Variants in PREX1 observed in about 807,000 individuals in gnomAD.
PREX1 encodes the protein phosphatidylinositol-3,4,5-trisphosphate dependent Rac exchange factor 1.
A neutral mutation model predicts 198.3 loss-of-function variants in PREX1; 41 were observed. That is an observed-to-expected ratio of 0.21 (90% CI 0.16 to 0.27). The LOEUF (loss-of-function observed/expected upper bound fraction) is 0.27. PREX1 is among the 10% of genes least tolerant of loss of function. The probability of loss-of-function intolerance (pLI) is 1.00; values close to 1 mark genes in which losing one functional copy is unlikely to be tolerated. For missense variants in PREX1, 1,620 were observed against 2,200.7 expected (o/e 0.74, Z 5.28); for synonymous variants, 843 against 887.2 (o/e 0.95, Z 0.89).
In PREX1 at chr20:48,629,619, C is replaced by T. The variant is rs781272664; in HGVS notation, c.4596G>A (p.Leu1532=). Residue 1532 remains leucine (L), a splice_region_variant and synonymous_variant, in exon 37 of 40, where the codon CTG becomes CTA. Coordinates refer to ENST00000371941, the MANE Select transcript of PREX1 (RefSeq NM_020820.4). The part of the protein sequence containing the change: ...ASTTAVKIDQ[L]IRPINALDEL... ...CATCCAGGGCATTGATGGGGCGGAT[C>T]AGCTGTAGGGGGTACCACACATAAC... 4.7e-5 allele frequency: 76 copies of T among 1,613,852 alleles called. 1 individual carries two copies. Among genetic ancestry groups the T allele is most frequent in the Non-Finnish European group, 6.3e-5 (74 of 1,179,924 alleles).
the PREX1 span, among the ~76,000 whole-genome samples, chr20:48,855,973 A>T: frequency 6.6e-6 from 1 of 152,370 alleles, no homozygotes; most frequent in Non-Finnish European, 1.5e-5. Context: ...AAGAAAAATA[A>T]AACAGAGTAA....
chr20:48,803,407 G>A (rs936714776), intron 1 of PREX1, among the ~76,000 whole-genome samples: 7 of 152,118 alleles, frequency 4.6e-5, no homozygotes, highest in Admixed American at 1.3e-4. Context: ...CAGACTCCCC[G>A]AAAGCCATGC....
intron 2 of PREX1, among the ~76,000 whole-genome samples, chr20:48,746,879 T>C (rs1395723672): frequency 2.0e-5 from 3 of 151,704 alleles, no homozygotes; most frequent in Non-Finnish European, 2.9e-5. Context: ...TGCTCAGCCA[T>C]ATTTGCTGAA....
chr20:48,797,916 C>T (rs1408532992), intron 1 of PREX1, among the ~76,000 whole-genome samples: 2 of 152,348 alleles, frequency 1.3e-5, no homozygotes, highest in East Asian at 3.9e-4. Context: ...GGATCTGTGA[C>T]TTTCCCTAAG....
chr20:48,656,943 G>C (rs2089548712), intron 18 of PREX1, 97 bp downstream of exon 18: 1 of 1,404,560 alleles, frequency 7.1e-7, no homozygotes, highest in South Asian at 1.4e-5. Flanking sequence ...ATGGGTCCCA[G>C]CCACGGGGGA....
intron 3 of PREX1, among the ~76,000 whole-genome samples, chr20:48,737,198 T>G (rs1349214629): frequency 6.2e-5 from 6 of 97,204 alleles, no homozygotes; most frequent in Admixed American, 1.5e-4. Context: ...GGGCAGTAGG[T>G]GGGAAGGTTT....
the PREX1 span, among the ~76,000 whole-genome samples, chr20:48,876,869 G>A: frequency 6.6e-6 from 1 of 152,132 alleles, no homozygotes; most frequent in Admixed American, 6.5e-5. Flanking sequence ...TGGGGTATCT[G>A]AATCTGGACC....
intron 37 of PREX1, among the ~76,000 whole-genome samples, chr20:48,628,783 C>T (rs2089291991): frequency 6.6e-6 from 1 of 152,172 alleles, no homozygotes; most frequent in Admixed American, 6.5e-5. Flanking sequence ...GAGCACTGGC[C>T]CCGTGAAACA....
At position 48,775,224 on chromosome 20, in the gene PREX1, G is replaced by C. The variant is rs1048265176; in HGVS notation, c.220-27344C>G. 2.0e-5 allele frequency among the ~76,000 whole-genome samples: 3 copies of C among 152,106 alleles called. No individual in the cohort carries two copies. In the South Asian group the frequency reaches 6.2e-4, roughly 32 times the overall value. On this transcript the variant is annotated intron_variant, in intron 1 of 39. Transcript: ENST00000371941. ...AAAGAGATGAAGCTCCTGCCCTCACGGAGCTGATATTCTACAGGGGTGGAG... is the reference window on the plus strand; with the variant it reads ...AAAGAGATGAAGCTCCTGCCCTCACCGAGCTGATATTCTACAGGGGTGGAG...
At chr20:48,855,356 G>A in the PREX1 span, among the ~76,000 whole-genome samples, 1 of 152,034 alleles carries the variant, frequency 6.6e-6, no homozygotes, top group African/African-American at 2.4e-5. Flanking sequence ...GATTTCTGCT[G>A]AGAGACGCTC....
At chr20:48,737,983 G>T (rs4809723) in intron 3 of PREX1, among the ~76,000 whole-genome samples, 9,099 of 152,190 alleles carry the variant, frequency 0.06, 371 homozygotes, top group Middle Eastern at 0.14. Flanking sequence ...ATCTGAACTG[G>T]TGTTTCTGTC....
Position 48,706,201 on chromosome 20 carries a change from G to GA in PREX1, c.783+2058dup, listed in dbSNP as rs575182609. Among the ~76,000 whole-genome samples the GA allele has an allele frequency of 2.7e-4, 41 of 152,236 alleles. 1 individual carries two copies. Among genetic ancestry groups the GA allele is most frequent in the African/African-American group, 8.2e-4 (34 of 41,538 alleles). ...TTTCCATTTGCCTAGGCCCTTACCA[G>GA]AAAAAAGGCATCTGGAAATCACTTC... On this transcript the variant is annotated intron_variant, in intron 6 of 39. Transcript: ENST00000371941.
At chr20:48,786,466 G>A (rs1223802903) in intron 1 of PREX1, among the ~76,000 whole-genome samples, 6 of 152,060 alleles carry the variant, frequency 3.9e-5, no homozygotes, top group Admixed American at 1.3e-4. Flanking sequence ...GATGGGGGCC[G>A]GGCACGGTGG....
intron 38 of PREX1, 83 bp from the exon 39 acceptor site, chr20:48,627,698 A>G: frequency 1.3e-6 from 2 of 1,488,122 alleles, no homozygotes; most frequent in Non-Finnish European, 1.9e-6. Flanking sequence ...GGTGGGGCCC[A>G]GAAGCCCAAG....
At position 48,676,071 on chromosome 20, in the gene PREX1, T is replaced by G. The variant is rs144584834; in HGVS notation, c.1665+122A>C. On this transcript the variant is annotated intron_variant, in intron 14 of 39. Transcript: ENST00000371941. ...AAAAAAAAGATCAAGATGGTAAATT[T>G]TATGTTCTGTGCAGTTTGCCACAAT... 1.5e-3 allele frequency: 1,538 copies of G among 1,021,700 alleles called. 2 individuals are homozygous for G. The highest frequency in any genetic ancestry group is 1.8e-3 in the Non-Finnish European group (1,234 of 677,354). The allele number at this position is 1,021,700 out of a possible 1,614,324, so 63.3% of individuals were successfully genotyped here. A position where few individuals can be genotyped will look rare whatever the true frequency, so the allele number is the denominator to read the frequency against.
At chr20:48,750,668 G>A (rs1047950361) in intron 1 of PREX1, among the ~76,000 whole-genome samples, 7 of 152,084 alleles carry the variant, frequency 4.6e-5, no homozygotes, top group East Asian at 1.9e-4. Flanking sequence ...TGTCACCTCC[G>A]CCAAGAGGCC....
chr20:48,627,482 G>A, intron 39 of PREX1, 66 bp downstream of exon 39: 2 of 1,557,790 alleles, frequency 1.3e-6, no homozygotes, highest in South Asian at 2.2e-5. Flanking sequence ...GGAGCATGAT[G>A]CCAAAGCCAG....
In PREX1 at chr20:48,666,184, G is replaced by C; in HGVS notation, c.1738+99C>G. On this transcript the variant is annotated intron_variant, in intron 15 of 39. Transcript: ENST00000371941. This position sits in a 1 kb window ranked among gnomAD's most constrained non-coding sequence, Gnocchi z 4.3. ...GCCTCCCCAAACCCCCGGGGGTCTA[G>C]AGAGCCACAGACCTGGCTTCAGTCC... 2 of 1,263,256 alleles carry C rather than the reference G, an allele frequency of 1.6e-6. No homozygotes were observed. Among genetic ancestry groups the C allele is most frequent in the East Asian group, 2.6e-5 (1 of 39,038 alleles). 78.3% of individuals were successfully genotyped at this position (1,263,256 alleles called of 1,614,324 possible).
chr20:48,748,706 G>C lies in PREX1; in HGVS notation c.220-826C>G, dbSNP rs2090120506. The stretch of plus-strand genomic sequence containing the variant: ...CTCTCCTCTGTGAGACGCAGTAGAT[G>C]AGTGTGACGACACCAGGGCAGGAGT... On this transcript the variant is annotated intron_variant, in intron 1 of 39. Transcript: ENST00000371941. Among the ~76,000 whole-genome samples the C allele has an allele frequency of 2.0e-5, 3 of 152,216 alleles. No homozygotes were observed. In the South Asian group the frequency reaches 6.2e-4, roughly 31 times the overall value.
Sources: gnomAD v4.1 joint callset for allele counts (sites outside exome capture counted in the v4.1 genomes callset) on GRCh38, gnomAD v4.1.1 for gene constraint, Gnocchi (gnomAD v3.1) non-coding constraint, MANE v1.5 for transcripts, NCBI Gene and HGNC (gene_info 2026-07-23, HGNC 2026-07-21) for gene names.